Variants in ZNFX1 observed in about 807,000 individuals in gnomAD.
ZNFX1 encodes NFX1-type zinc finger-containing protein 1.
A neutral mutation model predicts 179.8 loss-of-function variants in ZNFX1; 78 were observed. The observed-to-expected ratio is 0.43, with a 90% CI of 0.36 to 0.52. The LOEUF is 0.52. Among genes scored for constraint, ZNFX1 ranks in the 20% least tolerant of loss-of-function variants. The pLI, the probability that ZNFX1 is intolerant of heterozygous loss-of-function variation, is 0.00. For synonymous variants in ZNFX1, 848 were observed against 868.5 expected, an observed-to-expected ratio of 0.98 and a Z score of 0.42; for missense variants, 1,927 against 2,386.6, an observed-to-expected ratio of 0.81 and a Z score of 4.01.
At chr20:49,276,014 G>T in intron 1 of ZNFX1, 127 bp from the exon 2 acceptor site, 1 of 598,978 alleles carries the variant, frequency 1.7e-6, no homozygotes, top group Non-Finnish European at 3.0e-6. Context: ...GTTAAATACA[G>T]ATTTTAATCT....
rs781054008 is a variant in ZNFX1, at chr20:49,257,540, C to T, written c.2541G>A (p.Gln847=). Residue 847 remains glutamine (Q), a synonymous_variant, in exon 8 of 14, where the codon CAG becomes CAA. Transcript: ENST00000396105. ...VIEEEEVVRP[Q]RRKKEESGAD... is the part of the protein sequence containing the mutation. ...CTCCACTCTCTTCCTTCTTCCGCCG[C>T]TGGGGCCTCACCACCTCTTCCTCCT... 72 of 1,613,830 alleles carry T rather than the reference C, an allele frequency of 4.5e-5. No individual in the cohort carries two copies. The highest frequency in any genetic ancestry group is 5.9e-5 in the Non-Finnish European group (70 of 1,180,016).
At chr20:49,254,693 T>A (rs1304210659) in intron 9 of ZNFX1, 44 bp from the exon 10 acceptor site, 1 of 1,601,716 alleles carries the variant, frequency 6.2e-7, no homozygotes, top group Non-Finnish European at 8.5e-7. Flanking sequence ...ACATGCTCTT[T>A]GAGAAGGTGG....
chr20:49,270,929 G>T lies in ZNFX1; in HGVS notation c.883C>A (p.Leu295Met). ...VDIEEETEKN[L>M]EKVQTIIEHL... ...TCAATGATAGTCTGTACCTTTTCCA[G>T]GTTCTTCTCCGTTTCCTCTTCTATG... The change falls in exon 3 of 14, where the codon CTG (leucine) becomes ATG (methionine). Residue 295 changes from leucine to methionine, a missense_variant. Transcript: ENST00000396105. This position sits in a 1 kb window ranked among gnomAD's most constrained non-coding sequence, Gnocchi z 4.6. The T allele has an allele frequency of 6.2e-7, 1 of 1,614,104 alleles. No homozygotes were observed. The highest frequency in any genetic ancestry group is 8.5e-7 in the Non-Finnish European group (1 of 1,180,032).
In ZNFX1 at chr20:49,249,268, C is replaced by T. The variant is rs141555439; in HGVS notation, c.3756G>A (p.Glu1252=). The T allele has an allele frequency of 8.7e-6, 14 of 1,614,074 alleles. No homozygotes were observed. In the African/African-American group the frequency reaches 1.7e-4, roughly 20 times the overall value. The change falls in exon 14 of 14, where the codon GAG becomes GAA. Residue 1252 remains glutamate (E), a synonymous_variant. Transcript: ENST00000396105. The part of the protein sequence containing the change: ...LWSKIIHTLR[E]NNQIGPMLRL... ...GGAGCATGGGGCCTATTTGATTGTT[C>T]TCTCGAAGTGTATGAATGATCTTGC...
At chr20:49,255,744 G>C (rs539084633) in intron 9 of ZNFX1, 64 bp downstream of exon 9, 15 of 1,527,780 alleles carry the variant, frequency 9.8e-6, no homozygotes, top group African/African-American at 2.8e-5. Context: ...CTTGGAGGTG[G>C]AGAATGTTCT....
Position 49,248,423 on chromosome 20 carries a change from G to A in ZNFX1, c.4601C>T (p.Pro1534Leu), listed in dbSNP as rs1980736101. ...CTTAGTACAAGGCACATAGCATGGG[G>A]GTCGGTTGCAGGGCTCAGAGCAGAG... ...TKLCSEPCNR[P>L]PCYVPCTKLL... is the part of the protein sequence containing the mutation. The change falls in exon 14 of 14, where the codon CCC becomes CTC. Residue 1534 changes from proline to leucine, a missense_variant. Transcript: ENST00000396105. This position sits in a 1 kb window ranked among gnomAD's most constrained non-coding sequence, Gnocchi z 4.6. 2 of 1,608,664 alleles carry A rather than the reference G, an allele frequency of 1.2e-6. No individual in the cohort carries two copies. The highest frequency in any genetic ancestry group is 4.5e-5 in the East Asian group (2 of 44,750).
chr20:49,253,314 C>G (rs574377457), intron 11 of ZNFX1, among the ~76,000 whole-genome samples: 1 of 152,216 alleles, frequency 6.6e-6, no homozygotes, highest in Admixed American at 6.5e-5. Context: ...ATCTATCTAC[C>G]TTTTTTTTAA....
At chr20:49,265,538 A>T (rs1319335848) in intron 4 of ZNFX1, among the ~76,000 whole-genome samples, 1 of 152,218 alleles carries the variant, frequency 6.6e-6, no homozygotes, top group East Asian at 1.9e-4. Flanking sequence ...CTCTAAGAAT[A>T]AAGATTTATC....
Position 49,248,387 on chromosome 20 carries a change from C to A in ZNFX1, c.4637G>T (p.Cys1546Phe), listed in dbSNP as rs1235694546. 6.2e-7 allele frequency: 1 copy of A among 1,611,236 alleles called. No homozygotes were observed. Among genetic ancestry groups the A allele is most frequent in the Non-Finnish European group, 8.5e-7 (1 of 1,178,232 alleles). The change falls in exon 14 of 14, where the codon TGT becomes TTT. Residue 1546 changes from cysteine (C) to phenylalanine (F), a missense_variant. Cys to Phe is a radical substitution (Grantham distance 205, BLOSUM62 -2). Transcript: ENST00000396105. The surrounding 1 kb of genome is among the most constrained non-coding windows in gnomAD (Gnocchi z 4.6). The stretch of plus-strand genomic sequence containing the variant: ...ACAGAGACCAATGCAGGGGTGGCCA[C>A]AAACTAGCAGCTTAGTACAAGGCAC... ...CYVPCTKLLV[C>F]GHPCIGLCGE...
chr20:49,270,668 T>G lies in ZNFX1; in HGVS notation c.1144A>C (p.Arg382=). Residue 382 remains arginine (R), a synonymous_variant, in exon 3 of 14, where the codon AGA becomes CGA. Coordinates refer to ENST00000396105, the MANE Select transcript of ZNFX1 (RefSeq NM_021035.3). The surrounding 1 kb of genome is among the most constrained non-coding windows in gnomAD (Gnocchi z 4.6). ...TCCAAAATACCTTCCCGTAAAGGTC[T>G]GACGAAATCTTCTCGCAGGAGCCGG... ...HFRLLREDFV[R]PLREGILELL... 6.2e-7 allele frequency: 1 copy of G among 1,614,224 alleles called. No individual in the cohort carries two copies. The highest frequency in any genetic ancestry group is 8.5e-7 in the Non-Finnish European group (1 of 1,180,038).
chr20:49,249,114 G>A lies in ZNFX1; in HGVS notation c.3910C>T (p.Arg1304Cys), dbSNP rs373204504. 23 of 1,614,088 alleles carry A rather than the reference G, an allele frequency of 1.4e-5. No homozygotes were observed. Among genetic ancestry groups the A allele is most frequent in the East Asian group, 2.2e-5 (1 of 44,894 alleles). The change falls in exon 14 of 14, where the codon CGT becomes TGT. Residue 1304 changes from arginine to cysteine, a missense_variant. Transcript: ENST00000396105. ...FRLGCGHVCT[R>C]ACHPYDSSHK... ...GAAGAGTCATAAGGGTGGCAGGCAC[G>A]GGTGCAGACATGCCCACAGCCCAGG...
At chr20:49,261,067 G>T (rs966747723) in intron 6 of ZNFX1, among the ~76,000 whole-genome samples, 2 of 152,180 alleles carry the variant, frequency 1.3e-5, no homozygotes, top group Admixed American at 6.5e-5. Context: ...GGTGACAAAA[G>T]CAAGATTCTG....
intron 13 of ZNFX1, among the ~76,000 whole-genome samples, chr20:49,251,019 T>C (rs1467819311): frequency 1.3e-5 from 2 of 152,076 alleles, no homozygotes; most frequent in Non-Finnish European, 2.9e-5. Flanking sequence ...AGAATTCTTA[T>C]ATAACTTGCT....
In ZNFX1 at chr20:49,252,836, A is replaced by C. The variant is rs1422669720; in HGVS notation, c.3106-6T>G. On this transcript the variant is annotated splice_region_variant and splice_polypyrimidine_tract_variant and intron_variant, in intron 11 of 13. Transcript: ENST00000396105. Reference sequence around the variant, plus strand: ...ACGTTGGCACTGGGGCGCAGCTGAGAAGAGAAACATGGCTGAGGATTCTCT... The same window carrying C: ...ACGTTGGCACTGGGGCGCAGCTGAGCAGAGAAACATGGCTGAGGATTCTCT... The C allele has an allele frequency of 6.2e-7, 1 of 1,610,426 alleles. No homozygotes were observed.
chr20:49,275,683 AG>A (rs1981539401), intron 2 of ZNFX1, 95 bp downstream of exon 2: 1 of 1,171,542 alleles, frequency 8.5e-7, no homozygotes, highest in South Asian at 1.3e-5. Flanking sequence ...TGAGAGATGC[AG>A]ACAATCTTAG....
chr20:49,256,090 TC>T (rs1980965785), intron 8 of ZNFX1, 143 bp from the exon 9 acceptor site: 1 of 1,073,738 alleles, frequency 9.3e-7, no homozygotes, highest in Non-Finnish European at 1.3e-6. Context: ...CAACAGCTCT[TC>T]CACTGTAGAG....
intron 5 of ZNFX1, 46 bp from the exon 6 acceptor site, chr20:49,263,529 C>A (rs1333217252): frequency 6.5e-7 from 1 of 1,546,986 alleles, no homozygotes; most frequent in Non-Finnish European, 8.8e-7. Flanking sequence ...TATCATCATC[C>A]CCCAAACTCA....
chr20:49,259,562 C>T (rs1010262498), intron 7 of ZNFX1, among the ~76,000 whole-genome samples: 1 of 152,006 alleles, frequency 6.6e-6, no homozygotes, highest in Non-Finnish European at 1.5e-5. Flanking sequence ...GCTGGGACTA[C>T]AGGCACGCAC....
Position 49,248,598 on chromosome 20 carries a change from G to C in ZNFX1, c.4426C>G (p.Gln1476Glu). 6.2e-7 allele frequency: 1 copy of C among 1,614,160 alleles called. No homozygotes were observed. Residue 1476 changes from glutamine to glutamate, a missense_variant, in exon 14 of 14, where the codon CAG (glutamine) becomes GAG (glutamate). Coordinates refer to ENST00000396105, the MANE Select transcript of ZNFX1 (RefSeq NM_021035.3). This position sits in a 1 kb window ranked among gnomAD's most constrained non-coding sequence, Gnocchi z 4.6. ...KRLLICSHKC[Q>E]EPCIGECPPC... is the part of the protein sequence containing the mutation. ...GGGCACTCACCAATGCATGGTTCCTGGCACTTGTGTGAGCAGATAAGCAGG... is the reference window on the plus strand; with the variant it reads ...GGGCACTCACCAATGCATGGTTCCTCGCACTTGTGTGAGCAGATAAGCAGG...
Sources: gnomAD v4.1 joint callset for allele counts (sites outside exome capture counted in the v4.1 genomes callset) on GRCh38, gnomAD v4.1.1 for gene constraint, Gnocchi (gnomAD v3.1) non-coding constraint, MANE v1.5 for transcripts, NCBI Gene and HGNC (gene_info 2026-07-23, HGNC 2026-07-21) for gene names.